SLC7A1: variants seen among roughly 807,000 people sequenced by gnomAD.
SLC7A1 encodes the protein high affinity cationic amino acid transporter 1.
Under a neutral mutation model 53.9 loss-of-function variants are expected in SLC7A1, and 10 were observed. The ratio of observed to expected loss-of-function variants is 0.19; its 90% CI spans 0.11 to 0.31. SLC7A1 has a LOEUF of 0.31. Among genes scored for constraint, SLC7A1 ranks in the 10% least tolerant of loss-of-function variants. SLC7A1 has a pLI of 1.00. For missense variants in SLC7A1, 525 were observed against 827.2 expected, an observed-to-expected ratio of 0.63 and a Z score of 4.48; for synonymous variants, 342 against 338.7, an observed-to-expected ratio of 1.01 and a Z score of -0.11.
At chr13:29,530,293 T>TTTTCTTTTCCTCAGTC (rs1869089712) in intron 5 of SLC7A1, among the ~76,000 whole-genome samples, 1 of 152,158 alleles carries the variant, frequency 6.6e-6, no homozygotes, top group Non-Finnish European at 1.5e-5. Context: ...AGGGTGATGA[T>TTTTCTTTTCCTCAGTC]TTTCTTTTCC....
At chr13:29,516,360 T>C (rs141995073) in intron 11 of SLC7A1, 114 bp from the exon 12 acceptor site, 1 of 693,806 alleles carries the variant, frequency 1.4e-6, no homozygotes, top group Non-Finnish European at 2.5e-6. Context: ...GTCGGGCGAG[T>C]GTGGGGAAGA....
chr13:29,574,996 T>C (rs1871353638), intron 1 of SLC7A1, among the ~76,000 whole-genome samples: 1 of 152,140 alleles, frequency 6.6e-6, no homozygotes, highest in African/African-American at 2.4e-5. Flanking sequence ...AGAGGATTAT[T>C]TGCAGCACAA....
At position 29,514,587 on chromosome 13, in the gene SLC7A1, C is replaced by A. The variant is rs370197765; in HGVS notation, c.1787-4G>T. 3.1e-6 allele frequency: 5 copies of A among 1,602,270 alleles called. No homozygotes were observed. The highest frequency in any genetic ancestry group is 2.2e-5 in the East Asian group (1 of 44,664). On this transcript the variant is annotated splice_region_variant and splice_polypyrimidine_tract_variant and intron_variant, in intron 12 of 12. Coordinates refer to ENST00000380752, the MANE Select transcript of SLC7A1 (RefSeq NM_003045.5). ...TAGCCAAAGTAGATGATGAAGCCTGCGGGCCGACAGCAGAGACGGGCGTGA... is the reference window on the plus strand; with the variant it reads ...TAGCCAAAGTAGATGATGAAGCCTGAGGGCCGACAGCAGAGACGGGCGTGA...
At chr13:29,582,831 CACTGAGA>C (rs1286411882) in intron 1 of SLC7A1, among the ~76,000 whole-genome samples, 6 of 152,186 alleles carry the variant, frequency 3.9e-5, no homozygotes, top group Non-Finnish European at 7.3e-5. Flanking sequence ...CTTGCACACT[CACTGAGA>C]TACGTTCCTT....
chr13:29,589,420 G>A (rs1440559150), intron 1 of SLC7A1, among the ~76,000 whole-genome samples: 7 of 152,272 alleles, frequency 4.6e-5, no homozygotes, highest in Admixed American at 1.3e-4. Flanking sequence ...CCAAAGGCTG[G>A]TGATGTAAAT....
chr13:29,595,366 G>C (rs1208906495), intron 1 of SLC7A1, 50 bp downstream of exon 1: 1 of 151,788 alleles, frequency 6.6e-6, no homozygotes, highest in Non-Finnish European at 1.5e-5. Context: ...CCTCCGTGAT[G>C]ACCCGGGCCC....
intron 1 of SLC7A1, among the ~76,000 whole-genome samples, chr13:29,594,114 T>C (rs1872212208): frequency 6.6e-6 from 1 of 152,270 alleles, no homozygotes; most frequent in African/African-American, 2.4e-5. Flanking sequence ...GGAATAAATG[T>C]ATCATGGTTT....
intron 2 of SLC7A1, among the ~76,000 whole-genome samples, chr13:29,543,488 C>CCT (rs1339129169): frequency 6.6e-6 from 1 of 152,232 alleles, no homozygotes; most frequent in Non-Finnish European, 1.5e-5. Context: ...CCGCCACACG[C>CCT]TTCTGCCTAC....
intron 2 of SLC7A1, among the ~76,000 whole-genome samples, chr13:29,538,734 G>A (rs1869535852): frequency 6.6e-6 from 1 of 152,270 alleles, no homozygotes; most frequent in African/African-American, 2.4e-5. Flanking sequence ...TGCGTGGATA[G>A]TAAGTTGGAA....
At chr13:29,540,922 T>C (rs1172089444) in intron 2 of SLC7A1, among the ~76,000 whole-genome samples, 9 of 152,220 alleles carry the variant, frequency 5.9e-5, no homozygotes. Flanking sequence ...ATGGCGTCTT[T>C]TCAGCTTTCC....
At chr13:29,543,557 G>C (rs1869765970) in intron 2 of SLC7A1, among the ~76,000 whole-genome samples, 1 of 152,204 alleles carries the variant, frequency 6.6e-6, no homozygotes, top group South Asian at 2.1e-4. Context: ...CATAGACAAA[G>C]TTTACAGCCC....
intron 1 of SLC7A1, among the ~76,000 whole-genome samples, chr13:29,573,932 C>T (rs558996005): frequency 6.6e-6 from 1 of 152,338 alleles, no homozygotes; most frequent in Admixed American, 6.5e-5. Flanking sequence ...ACAGGCATTT[C>T]TGCGTACCCA....
chr13:29,579,688 G>A (rs943332373), intron 1 of SLC7A1, among the ~76,000 whole-genome samples: 4 of 152,046 alleles, frequency 2.6e-5, no homozygotes, highest in East Asian at 1.9e-4. Flanking sequence ...TTTGGTCCAC[G>A]ACTGCTCACT....
intron 1 of SLC7A1, among the ~76,000 whole-genome samples, chr13:29,564,635 A>T (rs1462907590): frequency 6.6e-6 from 1 of 152,210 alleles, no homozygotes; most frequent in Non-Finnish European, 1.5e-5. Context: ...CACTTAGCAA[A>T]TGCAGTCAGA....
intron 5 of SLC7A1, among the ~76,000 whole-genome samples, chr13:29,529,647 C>A (rs1005558185): frequency 5.9e-5 from 9 of 152,218 alleles, no homozygotes; most frequent in Non-Finnish European, 1.3e-4. Context: ...AGCTGGCCAG[C>A]CAACGCGGAC....
Position 29,533,042 on chromosome 13 carries a change from A to G in SLC7A1, c.371-60T>C. The G allele has an allele frequency of 2.7e-6, 4 of 1,505,780 alleles. No individual in the cohort carries two copies. The South Asian group carries it at 3.8e-5, about 14-fold the overall frequency. The allele number at this position is 1,505,780 out of a possible 1,614,324, so 93.3% of individuals were successfully genotyped here. A position where few individuals can be genotyped will look rare whatever the true frequency, so the allele number is the denominator to read the frequency against. On this transcript the variant is annotated intron_variant, in intron 3 of 12. Coordinates refer to ENST00000380752, the MANE Select transcript of SLC7A1 (RefSeq NM_003045.5). Reference sequence around the variant, plus strand: ...GGACAACTGTTAGCCAGGTATTTGTAGTGGAGCTCCATGTTGATAACATCA... The same window carrying G: ...GGACAACTGTTAGCCAGGTATTTGTGGTGGAGCTCCATGTTGATAACATCA...
chr13:29,573,545 C>T (rs1473973327), intron 1 of SLC7A1, among the ~76,000 whole-genome samples: 1 of 152,192 alleles, frequency 6.6e-6, no homozygotes, highest in African/African-American at 2.4e-5. Flanking sequence ...ACATCGTCCC[C>T]TTTCAAAGTG....
At chr13:29,547,812 G>A (rs911068708) in intron 2 of SLC7A1, among the ~76,000 whole-genome samples, 1 of 152,188 alleles carries the variant, frequency 6.6e-6, no homozygotes, top group Non-Finnish European at 1.5e-5. Context: ...TCTCATTTGT[G>A]CATGTTTGGA....
intron 2 of SLC7A1, among the ~76,000 whole-genome samples, chr13:29,542,755 C>T (rs889945518): frequency 1.3e-5 from 2 of 151,544 alleles, no homozygotes; most frequent in African/African-American, 4.8e-5. Context: ...TCAAAGAATC[C>T]TCATACTCAA....
Sources: allele counts gnomAD v4.1 joint callset (sites outside exome capture counted in the v4.1 genomes callset), GRCh38; gene constraint gnomAD v4.1.1; transcripts MANE v1.5; gene names NCBI Gene and HGNC (gene_info 2026-07-23, HGNC 2026-07-21).